Variants in EDC3 observed in about 807,000 individuals in gnomAD.
The protein encoded by EDC3 is enhancer of mRNA-decapping protein 3.
EDC3 carries 20 observed loss-of-function variants against 41.8 expected under a neutral mutation model. The ratio of observed to expected loss-of-function variants is 0.48; its 90% CI spans 0.34 to 0.70. The LOEUF is 0.70. EDC3 is among the 30% of genes least tolerant of loss of function. The probability of loss-of-function intolerance (pLI) is 0.01; values close to 1 mark genes in which losing one functional copy is unlikely to be tolerated. For synonymous variants in EDC3, 206 were observed against 243.2 expected, an observed-to-expected ratio of 0.85 and a Z score of 1.42; for missense variants, 444 against 636.8, an observed-to-expected ratio of 0.70 and a Z score of 3.26.
At position 74,635,457 on chromosome 15, in the gene EDC3, G is replaced by A; in HGVS notation, c.1144C>T (p.Leu382=). 6.2e-7 allele frequency: 1 copy of A among 1,614,232 alleles called. No individual in the cohort carries two copies. The highest frequency in any genetic ancestry group is 8.5e-7 in the Non-Finnish European group (1 of 1,180,044). Reference sequence around the variant, plus strand: ...CCTTGGGTCTTGCTGAAGAGCGACAGCTCATTGGTGATAGATTCCAACATC... The same window carrying A: ...CCTTGGGTCTTGCTGAAGAGCGACAACTCATTGGTGATAGATTCCAACATC... The part of the protein sequence containing the change: ...VKMLESITNE[L]SLFSKTQGQQ... Residue 382 remains leucine, a synonymous_variant, in exon 6 of 7, where the codon CTG becomes TTG. Coordinates refer to ENST00000315127, the MANE Select transcript of EDC3 (RefSeq NM_025083.5).
chr15:74,632,599 G>T lies in EDC3; in HGVS notation c.*13C>A, dbSNP rs775642353. On this transcript the variant is annotated 3_prime_UTR_variant, in exon 7 of 7. Transcript: ENST00000315127. The surrounding 1 kb of genome is among the most constrained non-coding windows in gnomAD (Gnocchi z 4.0). ...AGCAGGGGACAGCAGAGTCCTGCCTGCGCAGGAACCCTCTAAGCAGAGTGC... is the reference window on the plus strand; with the variant it reads ...AGCAGGGGACAGCAGAGTCCTGCCTTCGCAGGAACCCTCTAAGCAGAGTGC... 1 of 1,608,416 alleles carries T rather than the reference G, an allele frequency of 6.2e-7. No individual in the cohort carries two copies. The highest frequency in any genetic ancestry group is 1.1e-5 in the South Asian group (1 of 90,948).
chr15:74,636,360 C>T (rs1296346841), intron 5 of EDC3: 1 of 152,340 alleles, frequency 6.6e-6, no homozygotes, highest in Non-Finnish European at 1.5e-5. Flanking sequence ...AGGTAAGGTA[C>T]TCAGTCAGTG....
chr15:74,656,627 A>T (rs762347208), intron 3 of EDC3, among the ~76,000 whole-genome samples: 2 of 152,230 alleles, frequency 1.3e-5, no homozygotes, highest in Non-Finnish European at 2.9e-5. Context: ...ATAATGACAG[A>T]GGCAGGAGGC....
Position 74,632,843 on chromosome 15 carries a change from G to T in EDC3, c.1296C>A (p.Ala432=). ...TGAGTACTGGTGCCCGGTTCTGGTT[G>T]GCCCAGGCCACAGCTGCCTTGTACC... ...QPWYKAAVAW[A]NQNRAPVLSI... The change falls in exon 7 of 7, where the codon GCC becomes GCA. Residue 432 remains alanine, a synonymous_variant. Transcript: ENST00000315127. The surrounding 1 kb of genome is among the most constrained non-coding windows in gnomAD (Gnocchi z 4.0). 1 of 1,614,216 alleles carries T rather than the reference G, an allele frequency of 6.2e-7. No individual in the cohort carries two copies.
intron 4 of EDC3, chr15:74,644,680 A>T (rs1287050180): frequency 6.6e-6 from 1 of 151,610 alleles, no homozygotes; most frequent in African/African-American, 2.4e-5. Context: ...ATATAAATAA[A>T]TCTGACTCCC....
intron 3 of EDC3, among the ~76,000 whole-genome samples, chr15:74,666,698 G>A (rs939843717): frequency 1.3e-5 from 2 of 152,160 alleles, no homozygotes; most frequent in Non-Finnish European, 2.9e-5. Context: ...GGAAGTGGGG[G>A]AAGTTGAACA....
chr15:74,649,074 T>G (rs1276594736), intron 4 of EDC3, among the ~76,000 whole-genome samples: 1 of 146,862 alleles, frequency 6.8e-6, no homozygotes, highest in Non-Finnish European at 1.5e-5. Context: ...TTTTTTTTTT[T>G]TTTTTTTTGA....
rs979275137 is a variant in EDC3 at position 74,671,003 on chromosome 15, T to C, written c.484+452A>G. 3.3e-5 allele frequency among the ~76,000 whole-genome samples: 5 copies of C among 152,014 alleles called. No homozygotes were observed. Among genetic ancestry groups the C allele is most frequent in the Admixed American group, 2.0e-4 (3 of 15,260 alleles). ...AGTGCAGGTTCAACTCAAACACTACTACCAACATCAGTAACAGGATTTAAG... is the reference window on the plus strand; with the variant it reads ...AGTGCAGGTTCAACTCAAACACTACCACCAACATCAGTAACAGGATTTAAG... On this transcript the variant is annotated intron_variant, in intron 3 of 6. Coordinates refer to ENST00000315127, the MANE Select transcript of EDC3 (RefSeq NM_025083.5). This position sits in a 1 kb window ranked among gnomAD's most constrained non-coding sequence, Gnocchi z 4.6.
chr15:74,633,120 A>G (rs1425299286), intron 6 of EDC3, among the ~76,000 whole-genome samples, 174 bp from the exon 7 acceptor site: 1 of 152,222 alleles, frequency 6.6e-6, no homozygotes, highest in Middle Eastern at 3.2e-3. Context: ...AGGAGTTGCA[A>G]GCTGGCTGGG....
At chr15:74,684,178 T>C (rs1200596927) in intron 1 of EDC3, among the ~76,000 whole-genome samples, 2 of 147,968 alleles carry the variant, frequency 1.4e-5, no homozygotes, top group African/African-American at 2.5e-5. Context: ...GCTGGGACTA[T>C]AGGTGTATGC....
intron 3 of EDC3, among the ~76,000 whole-genome samples, chr15:74,664,425 C>T (rs919766977): frequency 3.9e-5 from 6 of 152,272 alleles, no homozygotes; most frequent in Non-Finnish European, 7.3e-5. Flanking sequence ...GGCTGGCTGC[C>T]TTCCTGTGCC....
intron 1 of EDC3, among the ~76,000 whole-genome samples, chr15:74,689,325 T>C (rs1325247184): frequency 6.6e-6 from 1 of 152,164 alleles, no homozygotes; most frequent in Non-Finnish European, 1.5e-5. Context: ...CTCATTCTGG[T>C]GGGGTGCAAT....
chr15:74,678,916 C>G (rs2062837859), intron 1 of EDC3, among the ~76,000 whole-genome samples: 1 of 142,610 alleles, frequency 7.0e-6, no homozygotes, highest in Admixed American at 7.1e-5. Flanking sequence ...AAAGGCTGGG[C>G]ACAGTGGTTC....
intron 1 of EDC3, among the ~76,000 whole-genome samples, chr15:74,691,001 C>A (rs1412424031): frequency 6.6e-6 from 1 of 152,074 alleles, no homozygotes; most frequent in Non-Finnish European, 1.5e-5. Flanking sequence ...TCAAAGCCAG[C>A]CTGGGCAACA....
At chr15:74,661,099 T>G (rs2062615243) in intron 3 of EDC3, among the ~76,000 whole-genome samples, 1 of 152,320 alleles carries the variant, frequency 6.6e-6, no homozygotes, top group South Asian at 2.1e-4. Flanking sequence ...AAAATGAGTA[T>G]GTGGCTTAAA....
intron 3 of EDC3, among the ~76,000 whole-genome samples, chr15:74,660,832 T>C (rs2062612441): frequency 6.6e-6 from 1 of 152,216 alleles, no homozygotes; most frequent in East Asian, 1.9e-4. Flanking sequence ...TGAATTTTAA[T>C]GTATTGATGA....
chr15:74,678,301 T>C (rs542547927), intron 1 of EDC3, among the ~76,000 whole-genome samples: 2 of 152,264 alleles, frequency 1.3e-5, no homozygotes, highest in South Asian at 4.1e-4. Context: ...GTGTGGAATG[T>C]TGACAGCAGA....
chr15:74,682,706 A>G (rs537793624), intron 1 of EDC3, among the ~76,000 whole-genome samples: 1 of 151,974 alleles, frequency 6.6e-6, no homozygotes, highest in Non-Finnish European at 1.5e-5. Context: ...TCCCAGAGAA[A>G]GGAAGACCTA....
At chr15:74,689,809 CCA>C (rs554855759) in intron 1 of EDC3, among the ~76,000 whole-genome samples, 256 of 152,344 alleles carry the variant, frequency 1.7e-3, no homozygotes, top group Non-Finnish European at 2.8e-3. Context: ...CAGGCGTGAG[CCA>C]CTGCGCCCGG....
Sources: gnomAD v4.1 joint callset for allele counts (sites outside exome capture counted in the v4.1 genomes callset) on GRCh38, gnomAD v4.1.1 for gene constraint, Gnocchi (gnomAD v3.1) non-coding constraint, MANE v1.5 for transcripts, NCBI Gene and HGNC (gene_info 2026-07-23, HGNC 2026-07-21) for gene names.